The following TFB1M variants were observed in gnomAD, a reference collection of about 807,000 sequenced individuals.
The protein encoded by TFB1M is transcription factor B1, mitochondrial.
TFB1M carries 27 observed loss-of-function variants against 31.1 expected under a neutral mutation model. The ratio of observed to expected loss-of-function variants is 0.87; its 90% CI spans 0.64 to 1.20. The LOEUF (loss-of-function observed/expected upper bound fraction) is 1.20, where lower values mean the gene tolerates loss of function less well. Among genes scored for constraint, TFB1M ranks in the 50% most tolerant of loss-of-function variants. The pLI is 0.00. For missense variants in TFB1M, 394 were observed against 418.7 expected (o/e 0.94, Z 0.51); for synonymous variants, 166 against 151.8 (o/e 1.09, Z -0.69).
intron 6 of TFB1M, among the ~76,000 whole-genome samples, chr6:155,259,917 G>C (rs1244169107): frequency 6.6e-6 from 1 of 152,240 alleles, no homozygotes; most frequent in Non-Finnish European, 1.5e-5. Context: ...GTTCTCAAGT[G>C]TGTCCTTAAA....
Position 155,258,089 on chromosome 6 carries a change from G to T in TFB1M, c.795-7C>A, listed in dbSNP as rs750763194. ...CGCTTCAGGGAATAACATTCTGAGG[G>T]GAAGACAGACAGACAGAAAAATAAG... On this transcript the variant is annotated splice_region_variant and splice_polypyrimidine_tract_variant and intron_variant, in intron 6 of 6. Transcript: ENST00000367166. 8 of 1,614,036 alleles carry T rather than the reference G, an allele frequency of 5.0e-6. No homozygotes were observed. The highest frequency in any genetic ancestry group is 6.8e-6 in the Non-Finnish European group (8 of 1,179,992).
chr6:155,240,470 G>C, the TFB1M span: 1 of 1,520,472 alleles, frequency 6.6e-7, no homozygotes. Context: ...GCCCTTGGGG[G>C]CAGCGGATAC....
chr6:155,254,766 C>T (rs914242299), downstream of TFB1M: 5 of 626,478 alleles, frequency 8.0e-6, no homozygotes, highest in Admixed American at 1.5e-4. Context: ...CCCCAACCCC[C>T]AGTCCCTTGT....
chr6:155,250,953 C>T, the TFB1M span: 19 of 1,614,084 alleles, frequency 1.2e-5, no homozygotes, highest in Middle Eastern at 1.6e-4. Flanking sequence ...ATGCACTCTA[C>T]GGTTTCCTGG....
chr6:155,312,657 C>A (rs1778063477), intron 1 of TFB1M, among the ~76,000 whole-genome samples: 1 of 152,120 alleles, frequency 6.6e-6, no homozygotes, highest in Admixed American at 6.6e-5. Context: ...TTGCTCTCTT[C>A]TGCCTGAGCT....
At chr6:155,286,512 T>TGTGTATATATATGTATATATATAC (rs1776642646) in intron 4 of TFB1M, among the ~76,000 whole-genome samples, 1 of 136,066 alleles carries the variant, frequency 7.3e-6, no homozygotes, top group Admixed American at 7.2e-5. Flanking sequence ...TATATATATG[T>TGTGTATATATATGTATATATATAC]GTGTATATAT....
chr6:155,247,434 T>C, the TFB1M span, among the ~76,000 whole-genome samples: 2 of 152,152 alleles, frequency 1.3e-5, no homozygotes, highest in African/African-American at 4.8e-5. Context: ...GTTCAGGTGA[T>C]TCTCCTCCCT....
chr6:155,245,562 C>T, the TFB1M span: 1 of 1,392,888 alleles, frequency 7.2e-7, no homozygotes. Context: ...CGTCAAATGC[C>T]ATAAGCCAGC....
chr6:155,293,012 TG>T lies in TFB1M; in HGVS notation c.546+3940del, dbSNP rs201696497. Among the ~76,000 whole-genome samples, 136 of 152,152 alleles carry T rather than the reference TG, an allele frequency of 8.9e-4. 3 individuals are homozygous for T. In the East Asian group the frequency reaches 0.024, roughly 27 times the overall value. ...CCTGGCTAATTTTTTATTTATTTTT[TG>T]TAGAGACAAGGTAACATAGGGAGCT... is the stretch of plus-strand genomic sequence containing the variant. On this transcript the variant is annotated intron_variant, in intron 4 of 6. Coordinates refer to ENST00000367166, the MANE Select transcript of TFB1M (RefSeq NM_016020.4).
intron 1 of TFB1M, among the ~76,000 whole-genome samples, chr6:155,312,283 G>A (rs1778048774): frequency 6.6e-6 from 1 of 152,170 alleles, no homozygotes; most frequent in African/African-American, 2.4e-5. Flanking sequence ...TCTTTTAACA[G>A]GGAGGGAATT....
chr6:155,285,191 C>CT lies in TFB1M; in HGVS notation c.632_633insA (p.Ile212AspfsTer59). On this transcript the variant is annotated frameshift_variant, in exon 5 of 7. Transcript: ENST00000367166. LOFTEE classifies it high-confidence loss of function. ...TGGGGACAAAAGCTTGTCCTGGAAT[C>CT]GTAAAGATGTGTCGAACATTGCAGA... is the stretch of plus-strand genomic sequence containing the variant. 6.2e-7 allele frequency: 1 copy of CT among 1,613,606 alleles called. No homozygotes were observed. Among genetic ancestry groups the CT allele is most frequent in the Non-Finnish European group, 8.5e-7 (1 of 1,179,762 alleles).
At chr6:155,233,120 T>C in the TFB1M span, among the ~76,000 whole-genome samples, 17 of 152,270 alleles carry the variant, frequency 1.1e-4, no homozygotes, top group Middle Eastern at 6.8e-3. Context: ...TCCTGCCACG[T>C]ATTTCATGCA....
chr6:155,293,569 T>C (rs190187470), intron 4 of TFB1M, among the ~76,000 whole-genome samples: 162 of 152,354 alleles, frequency 1.1e-3, no homozygotes, highest in Non-Finnish European at 1.4e-3. Flanking sequence ...TTGAGGATTA[T>C]AATTAGATAT....
rs1283174817 is a variant in TFB1M at position 155,257,774 on chromosome 6, A to G, written c.*62T>C. 1.9e-6 allele frequency: 3 copies of G among 1,601,440 alleles called. No homozygotes were observed. The highest frequency in any genetic ancestry group is 2.7e-5 in the African/African-American group (2 of 74,188). On this transcript the variant is annotated 3_prime_UTR_variant, in exon 7 of 7. Coordinates refer to ENST00000367166, the MANE Select transcript of TFB1M (RefSeq NM_016020.4). ...ATTCTGTAAAGACAAAAGAGTACCT[A>G]TATAAGAAGCTCCACGTAGTGCAAA...
chr6:155,258,158 A>C, intron 6 of TFB1M, 76 bp from the exon 7 acceptor site: 1 of 1,550,752 alleles, frequency 6.4e-7, no homozygotes, highest in East Asian at 2.2e-5. Flanking sequence ...TTTAACCCTC[A>C]TTTGAAAACA....
the TFB1M span, chr6:155,250,476 G>A: frequency 7.2e-7 from 1 of 1,395,596 alleles, no homozygotes; most frequent in Non-Finnish European, 9.7e-7. Context: ...GGCAGGAACA[G>A]GAAAGGACTG....
the TFB1M span, among the ~76,000 whole-genome samples, chr6:155,242,732 A>AATT: frequency 1.7e-4 from 26 of 151,944 alleles, no homozygotes; most frequent in South Asian, 4.0e-3. Flanking sequence ...CTTGCCTTCA[A>AATT]ATTATTATTA....
At chr6:155,305,277 T>C (rs1777642917) in intron 2 of TFB1M, among the ~76,000 whole-genome samples, 1 of 38,752 alleles carries the variant, frequency 2.6e-5, no homozygotes, top group African/African-American at 1.1e-4. Context: ...TATTTATATA[T>C]ATATATTAAA....
At chr6:155,239,929 C>A in the TFB1M span, among the ~76,000 whole-genome samples, 1 of 151,312 alleles carries the variant, frequency 6.6e-6, no homozygotes, top group Non-Finnish European at 1.5e-5. Flanking sequence ...GCTTCTACTC[C>A]ATTACTAGCA....
Sources: allele counts gnomAD v4.1 joint callset (sites outside exome capture counted in the v4.1 genomes callset), GRCh38; gene constraint gnomAD v4.1.1; transcripts MANE v1.5; gene names NCBI Gene and HGNC (gene_info 2026-07-23, HGNC 2026-07-21).